UGT1A10: variants seen among roughly 807,000 people sequenced by gnomAD.
UGT1A10 encodes the protein UDP glucuronosyltransferase family 1 member A10, also known as UDP-glucuronosyltransferase 1A10.
UGT1A10 carries 49 observed loss-of-function variants against 45.8 expected under a neutral mutation model. The ratio of observed to expected loss-of-function variants is 1.07; its 90% CI spans 0.85 to 1.36. The LOEUF (loss-of-function observed/expected upper bound fraction) is 1.36, where lower values mean the gene tolerates loss of function less well. Ranked by LOEUF, UGT1A10 falls within the 40% of genes most tolerant of loss-of-function variation. The pLI, the probability that UGT1A10 is intolerant of heterozygous loss-of-function variation, is 0.00. For missense variants in UGT1A10, 745 were observed against 668.6 expected (o/e 1.11, Z -1.26); for synonymous variants, 284 against 249.7 (o/e 1.14, Z -1.29).
chr2:233,708,355 T>C (rs1440187432), intron 1 of UGT1A10: 1 of 152,252 alleles, frequency 6.6e-6, no homozygotes, highest in African/African-American at 2.4e-5. Flanking sequence ...ATTTCCCTTA[T>C]TAATTCTTCA....
intron 1 of UGT1A10, among the ~76,000 whole-genome samples, chr2:233,736,258 T>G (rs1302567098): frequency 2.0e-5 from 3 of 152,238 alleles, no homozygotes; most frequent in Non-Finnish European, 2.9e-5. Flanking sequence ...ATTTCATTAA[T>G]TTGATCTTCA....
chr2:233,662,167 TGTAA>T (rs1246091516), intron 1 of UGT1A10, among the ~76,000 whole-genome samples: 1 of 152,210 alleles, frequency 6.6e-6, no homozygotes, highest in African/African-American at 2.4e-5. Context: ...ATGTATAGTC[TGTAA>T]GTGTTTGTGT....
chr2:233,750,101 C>T (rs1348616691), intron 1 of UGT1A10, among the ~76,000 whole-genome samples: 1 of 151,822 alleles, frequency 6.6e-6, no homozygotes, highest in Non-Finnish European at 1.5e-5. Flanking sequence ...TTGGAGAGCT[C>T]AGAAGAAGAC....
chr2:233,717,764 C>T (rs1326469547), intron 1 of UGT1A10: 3 of 456,554 alleles, frequency 6.6e-6, no homozygotes, highest in Non-Finnish European at 1.3e-5. Context: ...GAAAGGCACA[C>T]ATTTAATTCT....
At chr2:233,729,023 T>C (rs2125738984) in intron 1 of UGT1A10, 1 of 1,595,674 alleles carries the variant, frequency 6.3e-7, no homozygotes, top group Non-Finnish European at 8.5e-7. Context: ...CAATTACACG[T>C]TGATTTGCTA....
At chr2:233,752,028 A>G (rs754794292) in intron 1 of UGT1A10, among the ~76,000 whole-genome samples, 5 of 152,356 alleles carry the variant, frequency 3.3e-5, no homozygotes, top group South Asian at 4.1e-4. Context: ...AGAAATTCCT[A>G]GAAAGGTAAG....
At chr2:233,768,072 G>T in intron 3 of UGT1A10, 136 bp downstream of exon 3, 2 of 1,594,474 alleles carry the variant, frequency 1.3e-6, no homozygotes, top group South Asian at 2.2e-5. Context: ...TTATCTAGTG[G>T]GGTATCTCAA....
intron 1 of UGT1A10, chr2:233,692,122 T>C (rs2125550714): frequency 6.6e-6 from 1 of 152,296 alleles, no homozygotes; most frequent in South Asian, 2.1e-4. Context: ...TAATCAATCA[T>C]GCCTACTATG....
chr2:233,738,458 G>A (rs1690791213), intron 1 of UGT1A10, among the ~76,000 whole-genome samples: 1 of 152,228 alleles, frequency 6.6e-6, no homozygotes, highest in South Asian at 2.1e-4. Context: ...GAAGATGTGG[G>A]AAAGTTTGGA....
rs2073297814 is a variant in UGT1A10, at chr2:233,636,632, A to G, written c.110A>G (p.His37Arg). ...KLLVVPMDGS[H>R]WFTMQSVVEK... ...CTGGTAGTGCCCATGGATGGGAGTC[A>G]CTGGTTCACCATGCAGTCGGTGGTG... The change falls in exon 1 of 5, where the codon CAC (histidine) becomes CGC (arginine). Residue 37 changes from histidine (H) to arginine (R), a missense_variant. Transcript: ENST00000344644. The G allele has an allele frequency of 5.0e-6, 8 of 1,614,000 alleles. No homozygotes were observed. The highest frequency in any genetic ancestry group is 6.8e-6 in the Non-Finnish European group (8 of 1,180,032).
intron 1 of UGT1A10, among the ~76,000 whole-genome samples, chr2:233,756,709 T>A (rs1182039710): frequency 1.3e-5 from 2 of 152,126 alleles, no homozygotes; most frequent in Admixed American, 6.5e-5. Flanking sequence ...TTGGGGGGAC[T>A]TTTTTTGAGA....
chr2:233,665,339 TA>T (rs1371510503), intron 1 of UGT1A10, among the ~76,000 whole-genome samples: 1 of 152,258 alleles, frequency 6.6e-6, no homozygotes, highest in Non-Finnish European at 1.5e-5. Flanking sequence ...CACTCTTTAA[TA>T]CTTTCTTTAC....
intron 1 of UGT1A10, among the ~76,000 whole-genome samples, chr2:233,660,978 C>A (rs2073951199): frequency 6.6e-6 from 1 of 151,994 alleles, no homozygotes; most frequent in African/African-American, 2.4e-5. Context: ...TTTTATTTAG[C>A]TTTATGTTGT....
chr2:233,666,453 A>G (rs1257401815), intron 1 of UGT1A10, among the ~76,000 whole-genome samples: 1 of 152,122 alleles, frequency 6.6e-6, no homozygotes, highest in Non-Finnish European at 1.5e-5. Context: ...GTTATCTTGA[A>G]CGTCTTTACA....
intron 1 of UGT1A10, chr2:233,730,033 A>G (rs1166211754): frequency 6.2e-7 from 1 of 1,613,140 alleles, no homozygotes; most frequent in African/African-American, 1.3e-5. Flanking sequence ...GTTCCAGGCA[A>G]AACACTTTTT....
intron 1 of UGT1A10, chr2:233,719,231 G>C: frequency 6.2e-7 from 1 of 1,614,198 alleles, no homozygotes; most frequent in Middle Eastern, 1.6e-4. Context: ...ATGAGGCCCT[G>C]ATCAGGCACC....
intron 1 of UGT1A10, chr2:233,760,232 C>T: frequency 1.4e-6 from 2 of 1,429,080 alleles, no homozygotes; most frequent in South Asian, 2.6e-5. Flanking sequence ...TTGGTTTTTG[C>T]CATATATATA....
intron 4 of UGT1A10, 40 bp downstream of exon 4, chr2:233,768,479 T>C: frequency 6.3e-7 from 1 of 1,593,226 alleles, no homozygotes; most frequent in Non-Finnish European, 8.6e-7. Context: ...GGTCATGGCA[T>C]TCATGATAAA....
intron 1 of UGT1A10, chr2:233,760,350 C>T (rs1374994213): frequency 1.2e-6 from 2 of 1,613,944 alleles, no homozygotes; most frequent in African/African-American, 2.7e-5. Context: ...GTGTGCTGGG[C>T]CCAGTGGTGT....
Sources: gnomAD v4.1 joint callset for allele counts (sites outside exome capture counted in the v4.1 genomes callset) on GRCh38, gnomAD v4.1.1 for gene constraint, MANE v1.5 for transcripts, NCBI Gene and HGNC (gene_info 2026-07-23, HGNC 2026-07-21) for gene names.